ULK4: variants seen among roughly 807,000 people sequenced by gnomAD.
The protein encoded by ULK4 is unc-51 like kinase 4, also known as inactive serine/threonine-protein kinase ULK4.
A neutral mutation model predicts 160.6 loss-of-function variants in ULK4; 133 were observed. The observed-to-expected ratio is 0.83, with a 90% CI of 0.72 to 0.96. The LOEUF (loss-of-function observed/expected upper bound fraction) is 0.96. Among genes scored for constraint, ULK4 ranks in the 40% least tolerant of loss-of-function variants. ULK4 has a pLI of 0.00. For missense variants in ULK4, 1,580 were observed against 1,499.5 expected (o/e 1.05, Z -0.89); for synonymous variants, 534 against 539.8 (o/e 0.99, Z 0.15).
At chr3:41,430,151 C>A (rs13068880) in intron 34 of ULK4, among the ~76,000 whole-genome samples, 17,425 of 152,100 alleles carry the variant, frequency 0.11, 1,168 homozygotes, top group Admixed American at 0.16. Flanking sequence ...ATATAACTTT[C>A]TAATAAAACT....
intron 19 of ULK4, among the ~76,000 whole-genome samples, chr3:41,817,074 G>A (rs954846309): frequency 1.3e-5 from 2 of 151,940 alleles, no homozygotes; most frequent in Non-Finnish European, 2.9e-5. Context: ...AACTGTGTGT[G>A]TGTGTGTGTG....
At position 41,392,381 on chromosome 3, in the gene ULK4, T is replaced by C. The variant is rs920558857; in HGVS notation, c.3678+5698A>G. ...AGAAATTAAACATCCTATTTCTTTG[T>C]TAGTGAAAACTGTAGTTTTAGAAAG... On this transcript the variant is annotated intron_variant, in intron 35 of 36. Coordinates refer to ENST00000301831, the MANE Select transcript of ULK4 (RefSeq NM_017886.4). Among the ~76,000 whole-genome samples, 3 of 152,126 alleles carry C rather than the reference T, an allele frequency of 2.0e-5. No homozygotes were observed. In the East Asian group the frequency reaches 5.8e-4, roughly 29 times the overall value.
At chr3:41,845,068 C>A (rs1224968915) in intron 17 of ULK4, among the ~76,000 whole-genome samples, 1 of 151,710 alleles carries the variant, frequency 6.6e-6, no homozygotes, top group Non-Finnish European at 1.5e-5. Flanking sequence ...CGGGTTCATG[C>A]CATTCTCCTG....
intron 34 of ULK4, among the ~76,000 whole-genome samples, chr3:41,418,647 G>A (rs571590222): frequency 2.6e-5 from 4 of 151,136 alleles, no homozygotes; most frequent in South Asian, 4.2e-4. Flanking sequence ...TCTATCTCAT[G>A]TCAATTTAAT....
At chr3:41,304,796 G>A (rs2079872103) in intron 35 of ULK4, among the ~76,000 whole-genome samples, 1 of 152,224 alleles carries the variant, frequency 6.6e-6, no homozygotes, top group Non-Finnish European at 1.5e-5. Context: ...TCCAGAGAGT[G>A]AACTCATCAA....
At chr3:41,255,407 C>T (rs980906218) in intron 35 of ULK4, among the ~76,000 whole-genome samples, 5 of 152,114 alleles carry the variant, frequency 3.3e-5, no homozygotes, top group East Asian at 1.9e-4. Flanking sequence ...CACTTGAACC[C>T]GGGAGGCGGA....
intron 31 of ULK4, among the ~76,000 whole-genome samples, chr3:41,589,617 C>T (rs1458840343): frequency 6.6e-6 from 1 of 152,060 alleles, no homozygotes; most frequent in Non-Finnish European, 1.5e-5. Context: ...AGAAACAGAA[C>T]AGCCTTACTC....
chr3:41,404,226 A>ATTTTTTTTTTTTTTTTTTTTTATT (rs60508995), intron 34 of ULK4, among the ~76,000 whole-genome samples: 1 of 131,864 alleles, frequency 7.6e-6, no homozygotes. Context: ...TAGCTCTATC[A>ATTTTTTTTTTTTTTTTTTTTTATT]TTTTTTTTTT....
At position 41,866,261 on chromosome 3, in the gene ULK4, C is replaced by G. The variant is rs115929912; in HGVS notation, c.1656+17613G>C. 6.6e-3 allele frequency among the ~76,000 whole-genome samples: 998 copies of G among 152,250 alleles called. 9 individuals are homozygous for G. The highest frequency in any genetic ancestry group is 0.023 in the African/African-American group (964 of 41,542). ...TTATCGTTCATGCTGTGTTGCTTGT[C>G]TTGTACCTTCTCATAAAGCTAAGTA... On this transcript the variant is annotated intron_variant, in intron 17 of 36. Transcript: ENST00000301831.
At chr3:41,619,630 AT>A (rs1304941000) in intron 30 of ULK4, among the ~76,000 whole-genome samples, 1 of 152,184 alleles carries the variant, frequency 6.6e-6, no homozygotes, top group East Asian at 1.9e-4. Context: ...TTACAGGGAA[AT>A]TTATAGCAGC....
intron 35 of ULK4, among the ~76,000 whole-genome samples, chr3:41,281,185 A>G (rs969154838): frequency 6.6e-6 from 1 of 152,230 alleles, no homozygotes; most frequent in Non-Finnish European, 1.5e-5. Context: ...AAGAAAGTCC[A>G]GGACCAGACG....
At chr3:41,562,826 T>C (rs4016370) in intron 32 of ULK4, among the ~76,000 whole-genome samples, 127,119 of 152,076 alleles carry the variant, frequency 0.84, 54,645 homozygotes, top group Middle Eastern at 0.94. Flanking sequence ...TTTGCCAGTC[T>C]GTGTCTTTCA....
chr3:41,576,943 A>G (rs1391624849), intron 31 of ULK4, among the ~76,000 whole-genome samples: 1 of 152,194 alleles, frequency 6.6e-6, no homozygotes, highest in Non-Finnish European at 1.5e-5. Flanking sequence ...AAGAAAGAAA[A>G]TATCACAGTG....
At chr3:41,339,279 A>G (rs1479750359) in intron 35 of ULK4, among the ~76,000 whole-genome samples, 1 of 152,060 alleles carries the variant, frequency 6.6e-6, no homozygotes, top group African/African-American at 2.4e-5. Context: ...CGCTCAGCCT[A>G]CCAGTTGCTC....
chr3:41,805,638 A>T (rs2040619206), intron 19 of ULK4, among the ~76,000 whole-genome samples: 1 of 151,322 alleles, frequency 6.6e-6, no homozygotes, highest in South Asian at 2.1e-4. Context: ...GATAGCTCTT[A>T]TTATTTTGAG....
chr3:41,281,221 G>T (rs1384095381), intron 35 of ULK4, among the ~76,000 whole-genome samples: 1 of 152,138 alleles, frequency 6.6e-6, no homozygotes, highest in East Asian at 1.9e-4. Flanking sequence ...TCTACTAGAG[G>T]TACAAAGAGG....
At chr3:41,436,025 GTT>G (rs1324552510) in intron 34 of ULK4, among the ~76,000 whole-genome samples, 2 of 152,112 alleles carry the variant, frequency 1.3e-5, no homozygotes, top group African/African-American at 4.8e-5. Flanking sequence ...TTTACTTAAG[GTT>G]TTTTGACTTT....
intron 5 of ULK4, among the ~76,000 whole-genome samples, chr3:41,928,087 C>T (rs952265548): frequency 2.0e-4 from 30 of 152,076 alleles, no homozygotes; most frequent in Admixed American, 3.3e-4. Flanking sequence ...ATTCTAAAAT[C>T]GACCACATAA....
intron 32 of ULK4, among the ~76,000 whole-genome samples, chr3:41,497,777 G>A (rs1164791024): frequency 2.6e-5 from 4 of 152,124 alleles, no homozygotes; most frequent in African/African-American, 4.8e-5. Flanking sequence ...ACCTACTCAC[G>A]AGGTTGAGGT....
Sources: allele counts gnomAD v4.1 joint callset (sites outside exome capture counted in the v4.1 genomes callset), GRCh38; gene constraint gnomAD v4.1.1; transcripts MANE v1.5; gene names NCBI Gene and HGNC (gene_info 2026-07-23, HGNC 2026-07-21).